The following KAT6B variants were observed in gnomAD, a reference collection of about 807,000 sequenced individuals.
KAT6B encodes histone acetyltransferase KAT6B.
Under a neutral mutation model 187.5 loss-of-function variants are expected in KAT6B, and 10 were observed. That is an observed-to-expected ratio of 0.05 (90% CI 0.03 to 0.09). The LOEUF (loss-of-function observed/expected upper bound fraction) is 0.09, where lower values mean the gene tolerates loss of function less well. Ranked by LOEUF, KAT6B falls within the 10% of genes least tolerant of loss-of-function variation. KAT6B has a pLI of 1.00. For missense variants in KAT6B, 1,952 were observed against 2,558.9 expected, an observed-to-expected ratio of 0.76 and a Z score of 5.12; for synonymous variants, 861 against 926.8, an observed-to-expected ratio of 0.93 and a Z score of 1.29.
chr10:74,892,617 G>T (rs1845713691), intron 3 of KAT6B, among the ~76,000 whole-genome samples: 1 of 152,048 alleles, frequency 6.6e-6, no homozygotes, highest in African/African-American at 2.4e-5. Flanking sequence ...TTAGGGGTAG[G>T]GAGCTCTTGC....
chr10:75,028,235 T>A (rs1336663464), intron 17 of KAT6B, among the ~76,000 whole-genome samples: 3 of 152,206 alleles, frequency 2.0e-5, no homozygotes, highest in Non-Finnish European at 4.4e-5. Flanking sequence ...GTTCATTAAA[T>A]TCAAATAAGC....
intron 3 of KAT6B, among the ~76,000 whole-genome samples, chr10:74,860,993 C>T (rs575983312): frequency 2.1e-4 from 32 of 152,258 alleles, no homozygotes; most frequent in Admixed American, 3.3e-4. Flanking sequence ...CAAAATTAGC[C>T]GGGCGTGGTG....
At chr10:75,001,457 A>G (rs368854151) in intron 13 of KAT6B, among the ~76,000 whole-genome samples, 8 of 151,060 alleles carry the variant, frequency 5.3e-5, no homozygotes, top group Admixed American at 4.6e-4. Context: ...GGGGGGTATC[A>G]TGTCAGGAGG....
At chr10:74,853,540 C>G (rs575170249) in intron 3 of KAT6B, among the ~76,000 whole-genome samples, 2 of 151,890 alleles carry the variant, frequency 1.3e-5, no homozygotes, top group Admixed American at 1.3e-4. Flanking sequence ...GCAGTTCACA[C>G]ACCTCGGCCT....
chr10:74,841,515 A>G (rs1841743920), intron 2 of KAT6B, among the ~76,000 whole-genome samples: 1 of 151,972 alleles, frequency 6.6e-6, no homozygotes, highest in Admixed American at 6.6e-5. Context: ...CAGTGAGCTG[A>G]GATTGCGCTA....
At chr10:75,012,705 C>G (rs1844700114) in intron 13 of KAT6B, among the ~76,000 whole-genome samples, 1 of 152,204 alleles carries the variant, frequency 6.6e-6, no homozygotes, top group South Asian at 2.1e-4. Flanking sequence ...CTGTACCTTT[C>G]CCTGGGGGAC....
At chr10:74,869,781 A>G (rs1843787391) in intron 3 of KAT6B, among the ~76,000 whole-genome samples, 3 of 152,242 alleles carry the variant, frequency 2.0e-5, no homozygotes, top group Non-Finnish European at 2.9e-5. Flanking sequence ...TCATGAAGAC[A>G]GGGACCTTAT....
At chr10:74,825,441 G>T (rs978882236), upstream of KAT6B, 4 of 151,476 alleles carry the variant, frequency 2.6e-5, no homozygotes, top group African/African-American at 4.9e-5. This position sits in a 1 kb window ranked among gnomAD's most constrained non-coding sequence, Gnocchi z 5.0. Context: ...GGGCGGCGCG[G>T]GGGGAGCGGG....
chr10:74,976,767 CAA>C (rs1486818473), intron 8 of KAT6B: 10 of 292,900 alleles, frequency 3.4e-5, no homozygotes, highest in Non-Finnish European at 5.9e-5. Flanking sequence ...TTTCTCATGA[CAA>C]AGTTCATCCT....
At chr10:74,918,344 G>A (rs774505496) in intron 3 of KAT6B, among the ~76,000 whole-genome samples, 5 of 152,086 alleles carry the variant, frequency 3.3e-5, no homozygotes, top group Non-Finnish European at 5.9e-5. Context: ...GAACTAACAT[G>A]GTAGTTCAGT....
chr10:74,944,863 A>G (rs1850002314), intron 3 of KAT6B, among the ~76,000 whole-genome samples: 1 of 151,496 alleles, frequency 6.6e-6, no homozygotes, highest in Admixed American at 6.6e-5. Context: ...ACAATGAGAC[A>G]CTTCCATACA....
At chr10:74,858,720 C>T (rs544443859) in intron 3 of KAT6B, among the ~76,000 whole-genome samples, 93 of 152,092 alleles carry the variant, frequency 6.1e-4, no homozygotes, top group African/African-American at 2.1e-3. Context: ...TTTGGGAGGC[C>T]GAGGTGCATG....
intron 10 of KAT6B, 98 bp from the exon 11 acceptor site, chr10:74,981,689 C>T: frequency 1.1e-6 from 1 of 931,034 alleles, no homozygotes; most frequent in South Asian, 1.3e-5. Flanking sequence ...TGTTATTATA[C>T]AGCCTTTTTA....
At chr10:74,988,840 C>T (rs1186209161) in intron 12 of KAT6B, among the ~76,000 whole-genome samples, 179 bp from the exon 13 acceptor site, 7 of 152,126 alleles carry the variant, frequency 4.6e-5, no homozygotes, top group Admixed American at 2.0e-4. Flanking sequence ...ATGTCAGAGT[C>T]GATGGTTTGT....
At chr10:74,977,563 T>C in intron 9 of KAT6B, 126 bp downstream of exon 9, 7 of 1,197,618 alleles carry the variant, frequency 5.8e-6, no homozygotes, top group Non-Finnish European at 8.6e-6. Flanking sequence ...TTAGCCGTTA[T>C]CATGCCCATT....
rs1842358339 is a variant in KAT6B, at chr10:74,979,252, ACTGTGGCCGGT to A, written c.2145_2155del (p.Asp715GlufsTer6). The A allele has an allele frequency of 1.2e-6, 2 of 1,613,376 alleles. No homozygotes were observed. Among genetic ancestry groups the A allele is most frequent in the African/African-American group, 2.7e-5 (2 of 74,836 alleles). On this transcript the variant is annotated frameshift_variant, in exon 10 of 18. Transcript: ENST00000287239. LOFTEE classifies it high-confidence loss of function. ...ATAGAGTGTGAGAGTGGGGTGGAAG[ACTGTGGCCGGT>A]ACCCTTCTGTGATTGAATTTGGTAA...
intron 3 of KAT6B, among the ~76,000 whole-genome samples, chr10:74,931,249 T>C (rs1239350251): frequency 6.6e-6 from 1 of 152,188 alleles, no homozygotes; most frequent in Non-Finnish European, 1.5e-5. Flanking sequence ...TTTCCTCTCC[T>C]GTCCCTGGGT....
chr10:74,945,355 G>C (rs979969243), intron 3 of KAT6B, among the ~76,000 whole-genome samples: 4 of 152,212 alleles, frequency 2.6e-5, no homozygotes, highest in Admixed American at 2.0e-4. Context: ...GTGATTGCCT[G>C]GGTCTGAAAA....
chr10:74,982,693 C>T (rs1302433649), intron 11 of KAT6B: 3 of 152,544 alleles, frequency 2.0e-5, no homozygotes, highest in Non-Finnish European at 2.9e-5. Flanking sequence ...CCTTTATGCT[C>T]TTCCCTCCAC....
Sources: allele counts gnomAD v4.1 joint callset (sites outside exome capture counted in the v4.1 genomes callset), GRCh38; gene constraint gnomAD v4.1.1; non-coding constraint Gnocchi (gnomAD v3.1); transcripts MANE v1.5; gene names NCBI Gene and HGNC (gene_info 2026-07-23, HGNC 2026-07-21).